DCC: variants seen among roughly 807,000 people sequenced by gnomAD.
DCC encodes netrin receptor DCC.
Under a neutral mutation model 172.5 loss-of-function variants are expected in DCC, and 58 were observed. The ratio of observed to expected loss-of-function variants is 0.34; its 90% CI spans 0.27 to 0.42. The LOEUF (loss-of-function observed/expected upper bound fraction) is 0.42, where lower values mean the gene tolerates loss of function less well. Ranked by LOEUF, DCC falls within the 10% of genes least tolerant of loss-of-function variation. The pLI is 1.00. For missense variants in DCC, 1,740 were observed against 1,791.0 expected, an observed-to-expected ratio of 0.97 and a Z score of 0.51; for synonymous variants, 709 against 644.5, an observed-to-expected ratio of 1.10 and a Z score of -1.52.
chr18:53,219,165 G>A (rs541774058), intron 12 of DCC, among the ~76,000 whole-genome samples: 4 of 152,180 alleles, frequency 2.6e-5, no homozygotes, highest in South Asian at 2.1e-4. Context: ...GTAGGAAAAC[G>A]TGAAAGAACA....
chr18:53,180,865 G>C (rs547742658), intron 9 of DCC, among the ~76,000 whole-genome samples: 1 of 151,864 alleles, frequency 6.6e-6, no homozygotes, highest in African/African-American at 2.4e-5. Context: ...CCCCTGCCTC[G>C]GCCTCCCAAT....
At chr18:52,553,539 T>C (rs578112783) in intron 1 of DCC, among the ~76,000 whole-genome samples, 13 of 152,086 alleles carry the variant, frequency 8.5e-5, no homozygotes, top group Admixed American at 8.5e-4. Context: ...CAACAAACAT[T>C]TATTATGCAC....
chr18:53,364,377 A>G (rs2057979326), intron 15 of DCC, among the ~76,000 whole-genome samples: 1 of 152,070 alleles, frequency 6.6e-6, no homozygotes, highest in African/African-American at 2.4e-5. Context: ...TTTCAGGGAA[A>G]CATAGCTGCA....
chr18:52,362,208 G>GTAATT (rs1984648567), intron 1 of DCC, among the ~76,000 whole-genome samples: 2 of 152,188 alleles, frequency 1.3e-5, no homozygotes, highest in Non-Finnish European at 2.9e-5. Context: ...CAGACATCTG[G>GTAATT]CCATTCCCAT....
chr18:53,047,664 A>G (rs551548702), intron 5 of DCC, among the ~76,000 whole-genome samples: 1 of 151,082 alleles, frequency 6.6e-6, no homozygotes, highest in African/African-American at 2.4e-5. Context: ...CACAAAGCCT[A>G]TAGAGATAGG....
intron 12 of DCC, among the ~76,000 whole-genome samples, chr18:53,282,162 C>T (rs900563506): frequency 5.3e-5 from 8 of 152,010 alleles, no homozygotes; most frequent in Non-Finnish European, 7.4e-5. Flanking sequence ...ATAGATTTTT[C>T]TTTTGTTGTT....
intron 1 of DCC, among the ~76,000 whole-genome samples, chr18:52,563,723 G>A (rs1184284342): frequency 6.6e-5 from 10 of 152,002 alleles, no homozygotes; most frequent in African/African-American, 2.2e-4. Flanking sequence ...TTTTTCCCTG[G>A]AACTATATAG....
chr18:53,200,172 A>G (rs1472155729), intron 9 of DCC, among the ~76,000 whole-genome samples: 1 of 152,150 alleles, frequency 6.6e-6, no homozygotes, highest in Non-Finnish European at 1.5e-5. Context: ...TTACTGCCTG[A>G]TATTTCCCCG....
chr18:53,509,798 T>C (rs2046228327), intron 27 of DCC, among the ~76,000 whole-genome samples: 1 of 152,172 alleles, frequency 6.6e-6, no homozygotes, highest in African/African-American at 2.4e-5. Flanking sequence ...TAAACCAATG[T>C]CTGTTTTTCT....
At position 53,046,755 on chromosome 18, in the gene DCC, C is replaced by G. The variant is rs150887323; in HGVS notation, c.986-16550C>G. Among the ~76,000 whole-genome samples the G allele has an allele frequency of 5.9e-5, 9 of 151,912 alleles. 1 individual carries two copies. In the East Asian group the frequency reaches 1.8e-3, roughly 30 times the overall value. ...TCAAGAAAAGTTCAGTGACTTGACA[C>G]AGTAATGTTTGAGTTTGCAAACATG... On this transcript the variant is annotated intron_variant, in intron 5 of 28. Coordinates refer to ENST00000442544, the MANE Select transcript of DCC (RefSeq NM_005215.4).
chr18:53,060,395 A>AT (rs1169030686), intron 5 of DCC, among the ~76,000 whole-genome samples: 3 of 152,152 alleles, frequency 2.0e-5, no homozygotes, highest in Non-Finnish European at 4.4e-5. Flanking sequence ...GAGAAAAGTT[A>AT]TTTTTTCCCT....
chr18:52,662,151 C>T (rs2035371613), intron 1 of DCC, among the ~76,000 whole-genome samples: 1 of 152,136 alleles, frequency 6.6e-6, no homozygotes, highest in Non-Finnish European at 1.5e-5. Context: ...TGCAAGGCCC[C>T]ACACCTAGAG....
In DCC at chr18:53,435,198, G is replaced by A. The variant is rs563422379; in HGVS notation, c.3218G>A (p.Ser1073Asn). 3 of 1,594,544 alleles carry A rather than the reference G, an allele frequency of 1.9e-6. No homozygotes were observed. The highest frequency in any genetic ancestry group is 2.7e-5 in the African/African-American group (2 of 74,568). The change falls in exon 22 of 29, where the codon AGC becomes AAC. Residue 1073 changes from serine (S) to asparagine (N), a missense_variant. By Grantham distance (46) the Ser-to-Asn change is conservative (BLOSUM62 1). Around this residue, in one of 2 missense-constraint regions of DCC, gnomAD observed 1,732 missense variants for 1,767.4 expected, o/e 0.98. Coordinates refer to ENST00000442544, the MANE Select transcript of DCC (RefSeq NM_005215.4). Reference protein sequence around the residue: ...WPVDTNLIDRSTLNEPPIGQM... With the variant: ...WPVDTNLIDRNTLNEPPIGQM... ...GTTGATACTAATTTGATTGATAGAAGCACCCTAAATGGTAAGTATATAAAT... is the reference window on the plus strand; with the variant it reads ...GTTGATACTAATTTGATTGATAGAAACACCCTAAATGGTAAGTATATAAAT...
rs142414490 is a variant in DCC, at chr18:53,207,793, A to G, written c.1837A>G (p.Ile613Val). 1.1e-5 allele frequency: 18 copies of G among 1,612,632 alleles called. No individual in the cohort carries two copies. The highest frequency in any genetic ancestry group is 1.4e-5 in the Non-Finnish European group (17 of 1,178,770). The change falls in exon 11 of 29, where the codon ATA becomes GTA. Residue 613 changes from isoleucine to valine, a missense_variant. Physicochemically the swap from Ile to Val is conservative, Grantham distance 29. This residue lies in a region of DCC where 1,732 missense variants were observed against 1,767.4 expected (regional missense o/e 0.98). Transcript: ENST00000442544. Reference sequence around the variant, plus strand: ...TGGTCCGGGCGTCTCTACTGATGATATAACAGTGGTTACACTTTCTGACGG... The same window carrying G: ...TGGTCCGGGCGTCTCTACTGATGATGTAACAGTGGTTACACTTTCTGACGG... ...RYGPGVSTDD[I>V]TVVTLSDVPS... is the part of the protein sequence containing the mutation.
intron 2 of DCC, among the ~76,000 whole-genome samples, chr18:52,801,833 C>A (rs1184694367): frequency 6.6e-6 from 1 of 152,116 alleles, no homozygotes; most frequent in Non-Finnish European, 1.5e-5. Flanking sequence ...GTATCTCTGT[C>A]ACTGAGACTA....
intron 1 of DCC, among the ~76,000 whole-genome samples, chr18:52,646,715 C>G (rs2035026467): frequency 1.3e-5 from 2 of 152,122 alleles, no homozygotes; most frequent in African/African-American, 4.8e-5. Flanking sequence ...GGAAGGATCC[C>G]AAGCACAGGA....
intron 7 of DCC, among the ~76,000 whole-genome samples, chr18:53,096,890 T>G (rs1305314756): frequency 2.0e-5 from 3 of 152,156 alleles, no homozygotes; most frequent in Non-Finnish European, 2.9e-5. Flanking sequence ...TAAAATGTAT[T>G]AATATTTAGA....
intron 2 of DCC, among the ~76,000 whole-genome samples, chr18:52,776,373 T>TAA (rs146773466): frequency 0.053 from 8,030 of 152,106 alleles, 288 homozygotes; most frequent in South Asian, 0.16. Flanking sequence ...GTTAAGAACT[T>TAA]AGATATTTTA....
intron 25 of DCC, among the ~76,000 whole-genome samples, chr18:53,470,850 G>C (rs2045687344): frequency 6.6e-6 from 1 of 152,124 alleles, no homozygotes. Flanking sequence ...CTCCCACTTT[G>C]TCCTTCTCTT....
Sources: gnomAD v4.1 joint callset for allele counts (sites outside exome capture counted in the v4.1 genomes callset) on GRCh38, gnomAD v4.1.1 for gene constraint, gnomAD v4.1.1 regional missense constraint, MANE v1.5 for transcripts, NCBI Gene and HGNC (gene_info 2026-07-23, HGNC 2026-07-21) for gene names.